The following KLF18 variants were observed in gnomAD, a reference collection of about 807,000 sequenced individuals.
The protein encoded by KLF18 is Kruppel-like factor 18.
rs1489115757 is a variant in KLF18, at chr1:44,138,899, GT to G, written c.2732del (p.His911ProfsTer8). 2 of 398,550 alleles carry G rather than the reference GT, an allele frequency of 5.0e-6. No individual in the cohort carries two copies. The highest frequency in any genetic ancestry group is 8.8e-6 in the Non-Finnish European group (2 of 226,096). 24.7% of individuals were successfully genotyped at this position (398,550 alleles called of 1,614,324 possible). A position where few individuals can be genotyped will look rare whatever the true frequency, so the allele number is the denominator to read the frequency against. ...ACATCATATATCCCCCATAAAGGCT[GT>G]GGTCATCAGTGAGCGTTGTCATATT... is the stretch of plus-strand genomic sequence containing the variant. ...VGNMTTLTDD[H>X]SLYGGYMMSH... On this transcript the variant is annotated frameshift_variant, in exon 1 of 2. Transcript: ENST00000634670. LOFTEE classifies it high-confidence loss of function.
At position 44,137,834 on chromosome 1, in the gene KLF18, C is replaced by A. The variant is rs2429060; in HGVS notation, c.3146G>T (p.Arg1049Leu). 1.0e-5 allele frequency: 4 copies of A among 398,218 alleles called. No homozygotes were observed. Among genetic ancestry groups the A allele is most frequent in the African/African-American group, 2.1e-5 (1 of 48,544 alleles). The allele number at this position is 398,218 out of a possible 1,614,324, so 24.7% of individuals were successfully genotyped here. The change falls in exon 2 of 2, where the codon CGC (arginine) becomes CTC (leucine). Residue 1049 changes from arginine (R) to leucine (L), a missense_variant. Transcript: ENST00000634670. ...LKQHAKVHNI[R>L]PGL ...GGGCTGAAGGGTTCATAATCCTGGG[C>A]GAATGTTGTGGACCTTTGCATGCTG...
At position 44,141,408 on chromosome 1, in the gene KLF18, C is replaced by T; in HGVS notation, c.224G>A (p.Gly75Glu). Residue 75 changes from glycine to glutamate, a missense_variant, in exon 1 of 2, where the codon GGG becomes GAG. Physicochemically the swap from Gly to Glu is moderately conservative, Grantham distance 98. Transcript: ENST00000634670. The stretch of plus-strand genomic sequence containing the variant: ...TGTTAAGTCCTGGGTGAGAACTGTC[C>T]CAGGGATGTTAGTGCATGCAGAAGT... Reference protein sequence around the residue: ...MMTSACTNIPGTVLTQDLTMH... With the variant: ...MMTSACTNIPETVLTQDLTMH... 1 of 398,402 alleles carries T rather than the reference C, an allele frequency of 2.5e-6. No individual in the cohort carries two copies. The highest frequency in any genetic ancestry group is 4.4e-6 in the Non-Finnish European group (1 of 226,066). The allele number at this position is 398,402 out of a possible 1,614,324, so 24.7% of individuals were successfully genotyped here.
At position 44,139,414 on chromosome 1, in the gene KLF18, C is replaced by A. The variant is rs543451059; in HGVS notation, c.2218G>T (p.Gly740Trp). The A allele has an allele frequency of 1.2e-5, 3 of 259,752 alleles. No homozygotes were observed. In the East Asian group the frequency reaches 1.5e-4, roughly 13 times the overall value. The allele number at this position is 259,752 out of a possible 1,614,324, so 16.1% of individuals were successfully genotyped here. ...TSTGNQTLYW[G>W]QMMTSTGNQN... ...TTACCAGTGGAGGTCATCATCTGCC[C>A]CCAGTAGAGGGTCTGGTTACCAGTG... is the stretch of plus-strand genomic sequence containing the variant. The change falls in exon 1 of 2, where the codon GGG becomes TGG. Residue 740 changes from glycine to tryptophan, a missense_variant. By Grantham distance (184) the Gly-to-Trp change is radical. Transcript: ENST00000634670.
rs1346648384 is a variant in KLF18, at chr1:44,141,465, T to G, written c.167A>C (p.Lys56Thr). 1 of 398,556 alleles carries G rather than the reference T, an allele frequency of 2.5e-6. No individual in the cohort carries two copies. Among genetic ancestry groups the G allele is most frequent in the African/African-American group, 2.1e-5 (1 of 48,608 alleles). 24.7% of individuals were successfully genotyped at this position (398,556 alleles called of 1,614,324 possible). Residue 56 changes from lysine to threonine, a missense_variant, in exon 1 of 2, where the codon AAG (lysine) becomes ACG (threonine). By Grantham distance (78) the Lys-to-Thr change is moderately conservative (BLOSUM62 -1). Coordinates refer to ENST00000634670, the MANE Select transcript of KLF18 (RefSeq NM_001358438.1). ...TGTGGACCCCAAGGGAGGCATCGTC[T>G]TGCTCTGGGTTGACTCATGTTGGCT... ...EESQHESTQS[K>T]TMPPLGSTMM...
Position 44,138,012 on chromosome 1 carries a change from CT to C in KLF18, c.2969-2del, listed in dbSNP as rs1643175395. On this transcript the variant is annotated splice_acceptor_variant, in intron 1 of 1. Transcript: ENST00000634670. LOFTEE classifies it high-confidence loss of function. ...ACATCGCATACATAGGGCTTCTCCCCTGGACCAGACAGAGAGAGAGAGACCT... is the reference window on the plus strand; with the variant it reads ...ACATCGCATACATAGGGCTTCTCCCCGGACCAGACAGAGAGAGAGAGACCT... 2.5e-6 allele frequency: 1 copy of C among 398,568 alleles called. No homozygotes were observed. Among genetic ancestry groups the C allele is most frequent in the East Asian group, 3.6e-5 (1 of 28,094 alleles). 24.7% of individuals were successfully genotyped at this position (398,568 alleles called of 1,614,324 possible). A position where few individuals can be genotyped will look rare whatever the true frequency, so the allele number is the denominator to read the frequency against.
At position 44,139,152 on chromosome 1, in the gene KLF18, G is replaced by A. The variant is rs892612692; in HGVS notation, c.2480C>T (p.Thr827Met). The change falls in exon 1 of 2, where the codon ACG (threonine) becomes ATG (methionine). Residue 827 changes from threonine (T) to methionine (M), a missense_variant. Thr to Met is a moderately conservative substitution (Grantham distance 81). Coordinates refer to ENST00000634670, the MANE Select transcript of KLF18 (RefSeq NM_001358438.1). ...GAGGGTCTGGTTACTAGTGGAGGTCGTCATCTGCTCTCCACAGAGGGTCTG... is the reference window on the plus strand; with the variant it reads ...GAGGGTCTGGTTACTAGTGGAGGTCATCATCTGCTCTCCACAGAGGGTCTG... ...SNQTLCGEQMTTSTSNQTLCG... is the reference protein window; with the variant it reads ...SNQTLCGEQMMTSTSNQTLCG... The A allele has an allele frequency of 8.9e-5, 35 of 392,666 alleles. No homozygotes were observed. Among genetic ancestry groups the A allele is most frequent in the African/African-American group, 2.6e-4 (12 of 46,744 alleles). The allele number at this position is 392,666 out of a possible 1,614,324, so 24.3% of individuals were successfully genotyped here.
At position 44,138,017 on chromosome 1, in the gene KLF18, CCAGA is replaced by C. The variant is rs1267984225; in HGVS notation, c.2969-10_2969-7del. On this transcript the variant is annotated splice_region_variant and splice_polypyrimidine_tract_variant and intron_variant, in intron 1 of 1. Coordinates refer to ENST00000634670, the MANE Select transcript of KLF18 (RefSeq NM_001358438.1). ...GCATACATAGGGCTTCTCCCCTGGACCAGACAGAGAGAGAGAGACCTGTCATACA... is the reference window on the plus strand; with the variant it reads ...GCATACATAGGGCTTCTCCCCTGGACCAGAGAGAGAGAGACCTGTCATACA... 2 of 398,464 alleles carry C rather than the reference CCAGA, an allele frequency of 5.0e-6. No individual in the cohort carries two copies. The highest frequency in any genetic ancestry group is 7.1e-5 in the East Asian group (2 of 28,090). 24.7% of individuals were successfully genotyped at this position (398,464 alleles called of 1,614,324 possible).
Position 44,140,634 on chromosome 1 carries a change from C to A in KLF18, c.998G>T (p.Gly333Val), listed in dbSNP as rs572634990. Residue 333 changes from glycine to valine, a missense_variant, in exon 1 of 2, where the codon GGG becomes GTG. Gly to Val is a moderately radical substitution (Grantham distance 109). Transcript: ENST00000634670. ...ACCAGTGGAGGTCATCATCTGCCCC[C>A]CATAGAGGTTCTGGTTACCAGTGGA... ...TTSTGNQNLY[G>V]GQMMTSTGNQ... 2 of 376,886 alleles carry A rather than the reference C, an allele frequency of 5.3e-6. No homozygotes were observed. Among genetic ancestry groups the A allele is most frequent in the African/African-American group, 4.8e-5 (2 of 41,444 alleles). The allele number at this position is 376,886 out of a possible 1,614,324, so 23.3% of individuals were successfully genotyped here.
intron 1 of KLF18, 123 bp from the exon 2 acceptor site, chr1:44,138,134 C>T (rs1225853404): frequency 5.3e-5 from 21 of 395,788 alleles, no homozygotes; most frequent in South Asian, 1.4e-4. Context: ...CCAGAAGAGA[C>T]GGGAGTGGTG....
chr1:44,140,901 T>A lies in KLF18; in HGVS notation c.731A>T (p.Asn244Ile), dbSNP rs1434633008. 2.5e-6 allele frequency: 1 copy of A among 393,614 alleles called. No homozygotes were observed. Among genetic ancestry groups the A allele is most frequent in the Non-Finnish European group, 4.5e-6 (1 of 222,852 alleles). 24.4% of individuals were successfully genotyped at this position (393,614 alleles called of 1,614,324 possible). A position where few individuals can be genotyped will look rare whatever the true frequency, so the allele number is the denominator to read the frequency against. The change falls in exon 1 of 2, where the codon AAC becomes ATC. Residue 244 changes from asparagine to isoleucine, a missense_variant. Physicochemically the swap from Asn to Ile is moderately radical, Grantham distance 149 (BLOSUM62 -3). Coordinates refer to ENST00000634670, the MANE Select transcript of KLF18 (RefSeq NM_001358438.1). ...CGEQMTTSSG[N>I]QAFYGRQMTT... ...CATCTGTCTCCCGTAGAAGGCCTGG[T>A]TACCACTGGAGGTCGTCATCTGCTC...
rs1352743727 is a variant in KLF18 at position 44,139,743 on chromosome 1, A to G, written c.1889T>C (p.Met630Thr). Residue 630 changes from methionine to threonine, a missense_variant, in exon 1 of 2, where the codon ATG (methionine) becomes ACG (threonine). Coordinates refer to ENST00000634670, the MANE Select transcript of KLF18 (RefSeq NM_001358438.1). ...GGTCTGGTTACTAGCAGAGGTTGTC[A>G]TCTGCCCCCCGTAGAGGGCCTGGTT... The part of the protein sequence containing the change: ...TGNQALYGGQ[M>T]TTSASNQTLC... The G allele has an allele frequency of 5.1e-6, 2 of 388,586 alleles. No individual in the cohort carries two copies. The highest frequency in any genetic ancestry group is 2.2e-5 in the African/African-American group (1 of 44,886). 24.1% of individuals were successfully genotyped at this position (388,586 alleles called of 1,614,324 possible).
chr1:44,141,504 G>A lies in KLF18; in HGVS notation c.128C>T (p.Ala43Val). The A allele has an allele frequency of 2.5e-6, 1 of 398,622 alleles. No individual in the cohort carries two copies. Among genetic ancestry groups the A allele is most frequent in the Non-Finnish European group, 4.4e-6 (1 of 226,116 alleles). The allele number at this position is 398,622 out of a possible 1,614,324, so 24.7% of individuals were successfully genotyped here. A position where few individuals can be genotyped will look rare whatever the true frequency, so the allele number is the denominator to read the frequency against. Residue 43 changes from alanine to valine, a missense_variant, in exon 1 of 2, where the codon GCC becomes GTC. Coordinates refer to ENST00000634670, the MANE Select transcript of KLF18 (RefSeq NM_001358438.1). ...CTCATGTTGGCTCTCCTCAGCATGG[G>A]CAGTCAGAGGCATACAGTTCTGTGG... ...PEPQNCMPLT[A>V]HAEESQHEST...
rs910812958 is a variant in KLF18, at chr1:44,141,213, T to C, written c.419A>G (p.Asn140Ser). 1.5e-5 allele frequency: 6 copies of C among 398,604 alleles called. No homozygotes were observed. The East Asian group carries it at 2.1e-4, about 14-fold the overall frequency. The allele number at this position is 398,604 out of a possible 1,614,324, so 24.7% of individuals were successfully genotyped here. A position where few individuals can be genotyped will look rare whatever the true frequency, so the allele number is the denominator to read the frequency against. Residue 140 changes from asparagine (N) to serine (S), a missense_variant, in exon 1 of 2, where the codon AAC (asparagine) becomes AGC (serine). Asn to Ser is a conservative substitution (Grantham distance 46). Transcript: ENST00000634670. ...DCQKTTITAS[N>S]MTISNESSQL... ...GCTACTTTCATTGGAGATTGTCATGTTGCTTGCAGTGATGGTTGTCTTCTG... is the reference window on the plus strand; with the variant it reads ...GCTACTTTCATTGGAGATTGTCATGCTGCTTGCAGTGATGGTTGTCTTCTG...
Position 44,140,907 on chromosome 1 carries a change from C to T in KLF18, c.725G>A (p.Ser242Asn), listed in dbSNP as rs138482378. The stretch of plus-strand genomic sequence containing the variant: ...TCTCCCGTAGAAGGCCTGGTTACCA[C>T]TGGAGGTCGTCATCTGCTCCCCACA... ...TLCGEQMTTS[S>N]GNQAFYGRQM... Residue 242 changes from serine (S) to asparagine (N), a missense_variant, in exon 1 of 2, where the codon AGT (serine) becomes AAT (asparagine). Transcript: ENST00000634670. The T allele has an allele frequency of 5.7e-4, 218 of 379,932 alleles. No individual in the cohort carries two copies. The East Asian group carries it at 7.8e-3, about 14-fold the overall frequency. The allele number at this position is 379,932 out of a possible 1,614,324, so 23.5% of individuals were successfully genotyped here. A position where few individuals can be genotyped will look rare whatever the true frequency, so the allele number is the denominator to read the frequency against.
Position 44,139,448 on chromosome 1 carries a change from C to A in KLF18, c.2184G>T (p.Met728Ile). Residue 728 changes from methionine (M) to isoleucine (I), a missense_variant, in exon 1 of 2, where the codon ATG becomes ATT. Physicochemically the swap from Met to Ile is conservative, Grantham distance 10 (BLOSUM62 1). Coordinates refer to ENST00000634670, the MANE Select transcript of KLF18 (RefSeq NM_001358438.1). Reference sequence around the variant, plus strand: ...GGGTCTGGTTACCAGTGGAGGTCATCATCTGCCCCCCATAGAGGGCCTGGT... The same window carrying A: ...GGGTCTGGTTACCAGTGGAGGTCATAATCTGCCCCCCATAGAGGGCCTGGT... ...TGNQALYGGQ[M>I]MTSTGNQTLY... The A allele has an allele frequency of 3.1e-6, 1 of 323,214 alleles. No homozygotes were observed. Among genetic ancestry groups the A allele is most frequent in the Non-Finnish European group, 5.6e-6 (1 of 179,054 alleles). 20.0% of individuals were successfully genotyped at this position (323,214 alleles called of 1,614,324 possible).
rs1450806148 is a variant in KLF18 at position 44,141,179 on chromosome 1, G to A, written c.453C>T (p.Asn151=). The part of the protein sequence containing the change: ...MTISNESSQL[N]TPSSDQTLNE... ...TGAGGGTCTGGTCACTGCTTGGGGT[G>A]TTCAGCTGGCTACTTTCATTGGAGA... The change falls in exon 1 of 2, where the codon AAC becomes AAT. Residue 151 remains asparagine (N), a synonymous_variant. Transcript: ENST00000634670. 3 of 398,590 alleles carry A rather than the reference G, an allele frequency of 7.5e-6. No homozygotes were observed. Among genetic ancestry groups the A allele is most frequent in the Non-Finnish European group, 1.3e-5 (3 of 226,088 alleles). 24.7% of individuals were successfully genotyped at this position (398,590 alleles called of 1,614,324 possible).
In KLF18 at chr1:44,139,596, T is replaced by G; in HGVS notation, c.2036A>C (p.Gln679Pro). The G allele has an allele frequency of 2.5e-6, 1 of 397,838 alleles. No homozygotes were observed. Among genetic ancestry groups the G allele is most frequent in the Non-Finnish European group, 4.4e-6 (1 of 226,160 alleles). The allele number at this position is 397,838 out of a possible 1,614,324, so 24.6% of individuals were successfully genotyped here. The change falls in exon 1 of 2, where the codon CAG (glutamine) becomes CCG (proline). Residue 679 changes from glutamine (Q) to proline (P), a missense_variant. Transcript: ENST00000634670. Reference sequence around the variant, plus strand: ...CGTCATCTGCCCCCCGTAGAGGGCCTGGTTACCAGTGGAGGTTGTCATCTG... The same window carrying G: ...CGTCATCTGCCCCCCGTAGAGGGCCGGGTTACCAGTGGAGGTTGTCATCTG... ...GEQMTTSTGNQALYGGQMTTS... is the reference protein window; with the variant it reads ...GEQMTTSTGNPALYGGQMTTS...
rs1557736754 is a variant in KLF18, at chr1:44,138,775, G to A, written c.2857C>T (p.Gln953Ter). ...QLPKQKTQSCQFWKNPEVSRP... is the reference protein window; with the variant it reads ...QLPKQKTQSC ...GAAACCTCAGGATTCTTCCAGAACT[G>A]GCAGCTCTGTGTCTTCTGTTTTGGG... Residue 953 changes from glutamine (Q) to a stop codon, truncating the protein, a stop_gained, in exon 1 of 2, where the codon CAG becomes TAG. Transcript: ENST00000634670. LOFTEE classifies it high-confidence loss of function. The A allele has an allele frequency of 1.0e-5, 4 of 398,532 alleles. No homozygotes were observed. The highest frequency in any genetic ancestry group is 1.8e-5 in the Non-Finnish European group (4 of 226,112). The allele number at this position is 398,532 out of a possible 1,614,324, so 24.7% of individuals were successfully genotyped here.
At position 44,137,894 on chromosome 1, in the gene KLF18, C is replaced by T. The variant is rs998050028; in HGVS notation, c.3086G>A (p.Cys1029Tyr). Residue 1029 changes from cysteine (C) to tyrosine (Y), a missense_variant, in exon 2 of 2, where the codon TGC (cysteine) becomes TAC (tyrosine). Coordinates refer to ENST00000634670, the MANE Select transcript of KLF18 (RefSeq NM_001358438.1). ...ATCAGATCTTGCAAAATTCTTGCTG[C>T]ATATTGAACACAGGTAGGGCCTTTC... ...TGERPYLCSI[C>Y]SKNFARSDHL... 3 of 398,444 alleles carry T rather than the reference C, an allele frequency of 7.5e-6. No individual in the cohort carries two copies. Among genetic ancestry groups the T allele is most frequent in the Non-Finnish European group, 1.3e-5 (3 of 226,082 alleles). The allele number at this position is 398,444 out of a possible 1,614,324, so 24.7% of individuals were successfully genotyped here. A position where few individuals can be genotyped will look rare whatever the true frequency, so the allele number is the denominator to read the frequency against.
Sources: allele counts gnomAD v4.1 joint callset, GRCh38; gene constraint gnomAD v4.1.1; transcripts MANE v1.5; gene names NCBI Gene and HGNC (gene_info 2026-07-23, HGNC 2026-07-21).